Variants in EPHA6 observed in about 807,000 individuals in gnomAD.
The protein encoded by EPHA6 is ephrin type-A receptor 6.
In EPHA6, 50 loss-of-function variants were observed where a neutral mutation model predicts 112.0. That is an observed-to-expected ratio of 0.45 (90% CI 0.36 to 0.56). The LOEUF (loss-of-function observed/expected upper bound fraction) is 0.56. EPHA6 is among the 20% of genes least tolerant of loss of function. The pLI is 0.00. For synonymous variants in EPHA6, 529 were observed against 490.7 expected, an observed-to-expected ratio of 1.08 and a Z score of -1.03; for missense variants, 1,280 against 1,417.4, an observed-to-expected ratio of 0.90 and a Z score of 1.56.
intron 1 of EPHA6, among the ~76,000 whole-genome samples, chr3:96,836,644 A>G (rs2034432469): frequency 6.6e-6 from 1 of 152,182 alleles, no homozygotes; most frequent in Admixed American, 6.6e-5. Flanking sequence ...TCATGTTGGC[A>G]TTAAACAGAT....
At chr3:96,981,191 A>G (rs1158074546) in intron 2 of EPHA6, among the ~76,000 whole-genome samples, 5 of 152,188 alleles carry the variant, frequency 3.3e-5, no homozygotes, top group Non-Finnish European at 7.3e-5. Flanking sequence ...TGGGTTTGTC[A>G]TAAATAGCTC....
intron 11 of EPHA6, among the ~76,000 whole-genome samples, chr3:97,579,920 A>G (rs565392143): frequency 6.6e-6 from 1 of 152,322 alleles, no homozygotes; most frequent in South Asian, 2.1e-4. Context: ...TATGTACATA[A>G]AACAAGCCTA....
intron 11 of EPHA6, among the ~76,000 whole-genome samples, 194 bp from the exon 12 acceptor site, chr3:97,592,418 G>A (rs977550851): frequency 1.3e-5 from 2 of 152,014 alleles, no homozygotes; most frequent in African/African-American, 4.8e-5. Flanking sequence ...GTAACTAGTT[G>A]AGTAGCTTTC....
At chr3:97,106,191 A>C (rs1386438039) in intron 3 of EPHA6, among the ~76,000 whole-genome samples, 2 of 152,082 alleles carry the variant, frequency 1.3e-5, no homozygotes, top group African/African-American at 4.8e-5. Flanking sequence ...TTTAGTCATC[A>C]TAATTATTGT....
chr3:97,397,891 A>T (rs2086783416), intron 5 of EPHA6, among the ~76,000 whole-genome samples: 1 of 151,558 alleles, frequency 6.6e-6, no homozygotes, highest in Admixed American at 6.6e-5. Context: ...ACACTTCATA[A>T]CTATGTAAAA....
chr3:96,868,151 T>C (rs2107460339), intron 2 of EPHA6, among the ~76,000 whole-genome samples: 1 of 148,502 alleles, frequency 6.7e-6, no homozygotes, highest in Middle Eastern at 3.4e-3. Context: ...ATACCTTTTG[T>C]GTGTGTGCGT....
intron 3 of EPHA6, among the ~76,000 whole-genome samples, chr3:97,015,238 C>T (rs1231991909): frequency 6.6e-6 from 1 of 152,060 alleles, no homozygotes; most frequent in African/African-American, 2.4e-5. Context: ...AAACCTTATA[C>T]TGTAAGAAAA....
chr3:97,607,158 C>CT (rs1447631222), intron 12 of EPHA6, among the ~76,000 whole-genome samples: 3 of 140,006 alleles, frequency 2.1e-5, no homozygotes, highest in East Asian at 2.1e-4. Flanking sequence ...CTGTTATCCT[C>CT]TTTTTTTCAC....
At chr3:97,695,764 C>G (rs1207157922) in intron 14 of EPHA6, among the ~76,000 whole-genome samples, 3 of 152,162 alleles carry the variant, frequency 2.0e-5, no homozygotes, top group African/African-American at 7.2e-5. Context: ...TAGTCTCGAT[C>G]TCTTGACCTC....
chr3:97,290,219 T>C (rs951638561), intron 5 of EPHA6, among the ~76,000 whole-genome samples: 4 of 152,292 alleles, frequency 2.6e-5, no homozygotes, highest in Admixed American at 1.3e-4. Context: ...TACTCAAAAG[T>C]CATTCTGGAG....
chr3:96,939,133 G>A (rs1249857241), intron 2 of EPHA6, among the ~76,000 whole-genome samples: 1 of 152,168 alleles, frequency 6.6e-6, no homozygotes, highest in African/African-American at 2.4e-5. Flanking sequence ...AGTAAGTGAG[G>A]GAGGATTCCC....
chr3:96,985,428 C>T (rs2042984131), intron 2 of EPHA6, among the ~76,000 whole-genome samples: 1 of 151,988 alleles, frequency 6.6e-6, no homozygotes, highest in African/African-American at 2.4e-5. Flanking sequence ...TTACTATTAT[C>T]TTGGTTCACA....
At chr3:96,937,919 G>A (rs1215412326) in intron 2 of EPHA6, among the ~76,000 whole-genome samples, 1 of 152,142 alleles carries the variant, frequency 6.6e-6, no homozygotes, top group African/African-American at 2.4e-5. Flanking sequence ...GATAGTTGTA[G>A]ATACGCGGCA....
At chr3:97,116,714 C>T (rs190490120) in intron 3 of EPHA6, among the ~76,000 whole-genome samples, 1 of 151,372 alleles carries the variant, frequency 6.6e-6, no homozygotes, top group Admixed American at 6.6e-5. Context: ...TGTATATATA[C>T]CATTTTTATA....
chr3:97,004,213 T>TA (rs971553324), intron 3 of EPHA6, among the ~76,000 whole-genome samples: 3 of 152,196 alleles, frequency 2.0e-5, no homozygotes, highest in African/African-American at 7.2e-5. Context: ...CCTTGAGGAA[T>TA]CACTATATGT....
At chr3:96,957,988 C>A (rs1470250401) in intron 2 of EPHA6, among the ~76,000 whole-genome samples, 1 of 152,194 alleles carries the variant, frequency 6.6e-6, no homozygotes, top group Non-Finnish European at 1.5e-5. Flanking sequence ...CCTGAAATCT[C>A]AGCAGTGGGA....
intron 2 of EPHA6, among the ~76,000 whole-genome samples, chr3:96,918,855 AC>A (rs2039616601): frequency 6.6e-6 from 1 of 151,994 alleles, no homozygotes; most frequent in Non-Finnish European, 1.5e-5. Flanking sequence ...GATCAGAAAA[AC>A]ACAATTTCAG....
chr3:97,610,534 T>C (rs1387486872), intron 12 of EPHA6, among the ~76,000 whole-genome samples: 2 of 151,696 alleles, frequency 1.3e-5, no homozygotes, highest in African/African-American at 4.8e-5. Context: ...TGCAGGGCTT[T>C]AGGAAAAGAA....
intron 11 of EPHA6, 109 bp from the exon 12 acceptor site, chr3:97,592,503 C>A: frequency 7.7e-7 from 1 of 1,301,610 alleles, no homozygotes; most frequent in Non-Finnish European, 1.1e-6. Flanking sequence ...TTTATAACTT[C>A]TTCGTAAAAT....
Sources: allele counts gnomAD v4.1 joint callset (sites outside exome capture counted in the v4.1 genomes callset), GRCh38; gene constraint gnomAD v4.1.1; transcripts MANE v1.5; gene names NCBI Gene and HGNC (gene_info 2026-07-23, HGNC 2026-07-21).